MRPS21: variants seen among roughly 807,000 people sequenced by gnomAD.
The protein encoded by MRPS21 is mitochondrial ribosomal protein S21, also known as small ribosomal subunit protein bS21m.
In MRPS21, 8 loss-of-function variants were observed where a neutral mutation model predicts 9.9. That is an observed-to-expected ratio of 0.81 (90% CI 0.47 to 1.45). The LOEUF (loss-of-function observed/expected upper bound fraction) is 1.45, where lower values mean the gene tolerates loss of function less well. Ranked by LOEUF, MRPS21 falls within the 40% of genes most tolerant of loss-of-function variation. The pLI is 0.00. For missense variants in MRPS21, 101 were observed against 118.9 expected (o/e 0.85, Z 0.70); for synonymous variants, 40 against 40.3 (o/e 0.99, Z 0.03).
intron 2 of MRPS21, 97 bp downstream of exon 2, chr1:150,294,546 C>A: frequency 2.0e-6 from 2 of 1,020,006 alleles, no homozygotes; most frequent in Admixed American, 2.0e-5. Flanking sequence ...CAAAACAGTG[C>A]CAGCCCAGGT....
chr1:150,296,949 G>A (rs1553856655), intron 2 of MRPS21, among the ~76,000 whole-genome samples: 2 of 152,188 alleles, frequency 1.3e-5, no homozygotes, highest in Non-Finnish European at 2.9e-5. Context: ...TAGCAAAGCA[G>A]AGAGTTCTAG....
intron 2 of MRPS21, among the ~76,000 whole-genome samples, 176 bp from the exon 3 acceptor site, chr1:150,307,872 G>A (rs192007666): frequency 1.7e-4 from 26 of 152,204 alleles, no homozygotes; most frequent in African/African-American, 5.3e-4. Context: ...CACTGCACCC[G>A]GCCCACAGAT....
rs587593537 is a variant in MRPS21 at position 150,299,550 on chromosome 1, G to T, written c.83+5101G>T. Among the ~76,000 whole-genome samples, 24 of 152,146 alleles carry T rather than the reference G, an allele frequency of 1.6e-4. No individual in the cohort carries two copies. The East Asian group carries it at 4.6e-3, about 29-fold the overall frequency. ...GCTCACTGCAACCTCCGCCTCCCAG[G>T]TTCAAGTGATTCTCCTGCCTCAGCC... On this transcript the variant is annotated intron_variant, in intron 2 of 2. Transcript: ENST00000614145.
chr1:150,298,920 A>G (rs1553857091), intron 2 of MRPS21, among the ~76,000 whole-genome samples: 1 of 152,170 alleles, frequency 6.6e-6, no homozygotes, highest in East Asian at 1.9e-4. Flanking sequence ...TTACAGTTGT[A>G]TCAAGAGAGT....
At chr1:150,299,100 C>T (rs1425520047) in intron 2 of MRPS21, among the ~76,000 whole-genome samples, 1 of 152,162 alleles carries the variant, frequency 6.6e-6, no homozygotes, top group Non-Finnish European at 1.5e-5. Context: ...TCTGTAATCC[C>T]AGCTACTCCG....
At chr1:150,293,972 C>G (rs587696623) in intron 1 of MRPS21, 74 bp downstream of exon 1, 10 of 215,048 alleles carry the variant, frequency 4.7e-5, no homozygotes, top group Non-Finnish European at 7.8e-5. Context: ...CTTTCGCCCC[C>G]TTTTCCAAAG....
intron 2 of MRPS21, among the ~76,000 whole-genome samples, chr1:150,301,043 A>G (rs1553857581): frequency 2.0e-5 from 3 of 152,006 alleles, no homozygotes; most frequent in Non-Finnish European, 4.4e-5. Flanking sequence ...ACTAAAAAAA[A>G]TACAAAAATT....
chr1:150,298,292 A>C (rs1653987446), intron 2 of MRPS21, among the ~76,000 whole-genome samples: 1 of 152,144 alleles, frequency 6.6e-6, no homozygotes, highest in Admixed American at 6.6e-5. Flanking sequence ...TAGGGAGATG[A>C]ATGTTGAATT....
chr1:150,302,267 C>G, intron 2 of MRPS21, among the ~76,000 whole-genome samples: 1 of 152,234 alleles, frequency 6.6e-6, no homozygotes, highest in Non-Finnish European at 1.5e-5. Context: ...AGGAAATAGC[C>G]TACGTGTCTG....
At chr1:150,299,301 T>C (rs1024808639) in intron 2 of MRPS21, among the ~76,000 whole-genome samples, 4 of 145,198 alleles carry the variant, frequency 2.8e-5, no homozygotes, top group Admixed American at 1.3e-4. Context: ...CCAGCTCTTA[T>C]CTTTTGAGAG....
At chr1:150,300,418 A>G (rs1467117602) in intron 2 of MRPS21, among the ~76,000 whole-genome samples, 2 of 152,180 alleles carry the variant, frequency 1.3e-5, no homozygotes, top group Non-Finnish European at 2.9e-5. Context: ...TGGATTTACC[A>G]AAGTGTCTGG....
chr1:150,301,407 A>G (rs1230588834), intron 2 of MRPS21: 29 of 212,006 alleles, frequency 1.4e-4, no homozygotes, highest in South Asian at 1.3e-3. Flanking sequence ...CTGAGGCAGG[A>G]GAATCGCTTG....
chr1:150,305,321 G>C (rs1165805233), intron 2 of MRPS21, among the ~76,000 whole-genome samples: 2 of 152,092 alleles, frequency 1.3e-5, no homozygotes, highest in African/African-American at 2.4e-5. Flanking sequence ...TTACAGGTGT[G>C]AGCCACCATG....
intron 2 of MRPS21, among the ~76,000 whole-genome samples, chr1:150,301,768 G>T (rs1398351663): frequency 6.6e-6 from 1 of 151,958 alleles, no homozygotes; most frequent in Non-Finnish European, 1.5e-5. Flanking sequence ...ACCACGTCCG[G>T]CTAATTTTTT....
Position 150,308,210 on chromosome 1 carries a change from TC to T in MRPS21, c.248del (p.Pro83ArgfsTer39), listed in dbSNP as rs782647577. On this transcript the variant is annotated frameshift_variant, in exon 3 of 3. Transcript: ENST00000614145. LOFTEE classifies it high-confidence loss of function. ...NFLMRKNRAD[P>X]WQGC ...TCTTGATGCGAAAGAATCGGGCAGA[TC>T]CGTGGCAGGGCTGCTGAGGCCTGTG... 1.9e-6 allele frequency: 3 copies of T among 1,598,300 alleles called. No individual in the cohort carries two copies. Among genetic ancestry groups the T allele is most frequent in the Non-Finnish European group, 2.6e-6 (3 of 1,166,826 alleles).
chr1:150,299,469 TTTGA>T (rs1423360665), intron 2 of MRPS21, among the ~76,000 whole-genome samples: 5 of 152,146 alleles, frequency 3.3e-5, no homozygotes, highest in African/African-American at 1.2e-4. Flanking sequence ...TGTTTGTTTG[TTTGA>T]GACGATGTCT....
intron 2 of MRPS21, among the ~76,000 whole-genome samples, chr1:150,299,346 C>T (rs587671024): frequency 6.6e-5 from 10 of 152,130 alleles, no homozygotes; most frequent in African/African-American, 1.9e-4. Flanking sequence ...ATTGTCTATA[C>T]CCCTTTTTAT....
intron 2 of MRPS21, among the ~76,000 whole-genome samples, chr1:150,301,559 A>G (rs946435445): frequency 6.6e-6 from 1 of 152,234 alleles, no homozygotes; most frequent in African/African-American, 2.4e-5. Context: ...ATTGTATTAT[A>G]GCTTCGCGGG....
Position 150,294,057 on chromosome 1 carries a change from C to T in MRPS21, c.-33+159C>T, listed in dbSNP as rs117247904. Reference sequence around the variant, plus strand: ...ATGTGTGGTGGTTGGGACCCTGTGGCGCATCCTTGTCGCTCGTGTCCTTCT... The same window carrying T: ...ATGTGTGGTGGTTGGGACCCTGTGGTGCATCCTTGTCGCTCGTGTCCTTCT... On this transcript the variant is annotated intron_variant, in intron 1 of 2. Transcript: ENST00000614145. 6.2e-4 allele frequency: 211 copies of T among 341,850 alleles called. 4 individuals carry two copies. In the East Asian group the frequency reaches 0.012, roughly 20 times the overall value. The allele number at this position is 341,850 out of a possible 1,614,324, so 21.2% of individuals were successfully genotyped here.
Sources: gnomAD v4.1 joint callset for allele counts (sites outside exome capture counted in the v4.1 genomes callset) on GRCh38, gnomAD v4.1.1 for gene constraint, MANE v1.5 for transcripts, NCBI Gene and HGNC (gene_info 2026-07-23, HGNC 2026-07-21) for gene names.